Variants in NSD1 observed in about 807,000 individuals in gnomAD.
NSD1 encodes histone-lysine N-methyltransferase, H3 lysine-36 specific.
A neutral mutation model predicts 242.7 loss-of-function variants in NSD1; 26 were observed. The observed-to-expected ratio is 0.11, with a 90% CI of 0.08 to 0.15. The LOEUF is 0.15. Among genes scored for constraint, NSD1 ranks in the 10% least tolerant of loss-of-function variants. NSD1 has a pLI of 1.00. For synonymous variants in NSD1, 1,106 were observed against 1,178.1 expected, an observed-to-expected ratio of 0.94 and a Z score of 1.25; for missense variants, 2,495 against 3,272.8, an observed-to-expected ratio of 0.76 and a Z score of 5.80.
intron 5 of NSD1, chr5:177,220,940 C>T (rs926073859): frequency 9.1e-6 from 4 of 441,490 alleles, no homozygotes; most frequent in Non-Finnish European, 1.4e-5. Context: ...TCTCAGCTCA[C>T]TGCAACCTCC....
intron 2 of NSD1, among the ~76,000 whole-genome samples, chr5:177,182,701 A>G (rs1760793282): frequency 6.6e-6 from 1 of 152,078 alleles, no homozygotes; most frequent in East Asian, 1.9e-4. Flanking sequence ...CAATGGCGCA[A>G]TCTCAGCTCA....
At position 177,235,903 on chromosome 5, in the gene NSD1, T is replaced by C; in HGVS notation, c.3879T>C (p.Ala1293=). 2 of 1,613,954 alleles carry C rather than the reference T, an allele frequency of 1.2e-6. No homozygotes were observed. Among genetic ancestry groups the C allele is most frequent in the Non-Finnish European group, 1.7e-6 (2 of 1,179,908 alleles). ...CAGAAGAATATGATCAGATATTTGC[T>C]CCTAAGAAAAAACAAAAGAAGGTAC... is the stretch of plus-strand genomic sequence containing the variant. ...EYTEEYDQIF[A]PKKKQKKVQE... The change falls in exon 6 of 23, where the codon GCT becomes GCC. Residue 1293 remains alanine (A), a synonymous_variant. Coordinates refer to ENST00000439151, the MANE Select transcript of NSD1 (RefSeq NM_022455.5).
rs142657029 is a variant in NSD1, at chr5:177,210,665, A to G, written c.2266A>G (p.Asn756Asp). Residue 756 changes from asparagine (N) to aspartate (D), a missense_variant, in exon 5 of 23, where the codon AAC (asparagine) becomes GAC (aspartate). By Grantham distance (23) the Asn-to-Asp change is conservative. Around this residue, in one of 19 missense-constraint regions of NSD1, gnomAD observed 515 missense variants for 467.0 expected, o/e 1.10. Coordinates refer to ENST00000439151, the MANE Select transcript of NSD1 (RefSeq NM_022455.5). ...FTNDALSPKF[N>D]LSSSISSENS... Reference sequence around the variant, plus strand: ...AAATGATGCTCTCTCTCCAAAATTCAACCTGTCATCAAGCATATCCAGTGA... The same window carrying G: ...AAATGATGCTCTCTCTCCAAAATTCGACCTGTCATCAAGCATATCCAGTGA... 63 of 1,614,018 alleles carry G rather than the reference A, an allele frequency of 3.9e-5. No individual in the cohort carries two copies. The highest frequency in any genetic ancestry group is 5.1e-5 in the Non-Finnish European group (60 of 1,180,030).
chr5:177,204,005 G>A (rs1320949404), intron 3 of NSD1, 115 bp from the exon 4 acceptor site: 1 of 982,674 alleles, frequency 1.0e-6, no homozygotes, highest in East Asian at 2.4e-5. Flanking sequence ...TAGTTCAGTG[G>A]GCATGTTAGT....
At chr5:177,158,249 C>CTT (rs151289055) in intron 2 of NSD1, among the ~76,000 whole-genome samples, 2 of 76,924 alleles carry the variant, frequency 2.6e-5, no homozygotes, top group African/African-American at 6.6e-5. Flanking sequence ...TTCTTTCTTT[C>CTT]TTTCTTTCTT....
At chr5:177,280,438 G>A in intron 17 of NSD1, 127 bp from the exon 18 acceptor site, 1 of 997,556 alleles carries the variant, frequency 1.0e-6, no homozygotes, top group East Asian at 2.4e-5. Flanking sequence ...ATGAAACTAA[G>A]TGTTGATAGT....
At chr5:177,230,076 T>G (rs1764939964) in intron 5 of NSD1, among the ~76,000 whole-genome samples, 1 of 152,148 alleles carries the variant, frequency 6.6e-6, no homozygotes, top group South Asian at 2.1e-4. Flanking sequence ...CATTCAGTTG[T>G]CACCATGCTG....
intron 11 of NSD1, among the ~76,000 whole-genome samples, chr5:177,249,973 T>C (rs1317719983): frequency 1.3e-5 from 2 of 152,178 alleles, no homozygotes; most frequent in African/African-American, 4.8e-5. Flanking sequence ...GTAATTCCCC[T>C]GCTGGGGAGG....
intron 2 of NSD1, among the ~76,000 whole-genome samples, chr5:177,171,630 C>T (rs1369645722): frequency 2.0e-5 from 3 of 152,138 alleles, no homozygotes; most frequent in Admixed American, 1.3e-4. Flanking sequence ...TTCTCCTTTC[C>T]TCCCTTTGTC....
intron 2 of NSD1, among the ~76,000 whole-genome samples, chr5:177,175,107 G>A (rs1051088346): frequency 3.3e-5 from 5 of 151,910 alleles, no homozygotes; most frequent in Admixed American, 6.6e-5. Context: ...TCCTGACCTC[G>A]TGATCCACTC....
chr5:177,208,161 A>G (rs764459469), intron 4 of NSD1, among the ~76,000 whole-genome samples: 9 of 152,164 alleles, frequency 5.9e-5, no homozygotes, highest in Non-Finnish European at 1.2e-4. Context: ...ACTAATACCT[A>G]TTGTATGGAG....
At chr5:177,167,109 T>C (rs1284688654) in intron 2 of NSD1, among the ~76,000 whole-genome samples, 2 of 152,200 alleles carry the variant, frequency 1.3e-5, no homozygotes, top group African/African-American at 2.4e-5. Context: ...TATTAGGTGA[T>C]CCAGTTTTCT....
chr5:177,201,715 C>T (rs1158796123), intron 3 of NSD1, among the ~76,000 whole-genome samples: 4 of 151,492 alleles, frequency 2.6e-5, no homozygotes, highest in Admixed American at 6.6e-5. Context: ...AGTTGCACCA[C>T]GCCCGGCTAC....
chr5:177,257,398 T>G (rs1052873309), intron 13 of NSD1, among the ~76,000 whole-genome samples: 4 of 151,676 alleles, frequency 2.6e-5, no homozygotes, highest in African/African-American at 9.7e-5. Context: ...GCCTGGCTAA[T>G]TTTTTTGTAT....
intron 2 of NSD1, among the ~76,000 whole-genome samples, chr5:177,180,830 A>T (rs1329659869): frequency 2.7e-5 from 4 of 149,616 alleles, no homozygotes; most frequent in Non-Finnish European, 4.5e-5. Context: ...TTACAGGCGC[A>T]TGCCACCATG....
intron 2 of NSD1, chr5:177,136,450 TCTTA>T (rs998048081): frequency 5.4e-5 from 10 of 185,118 alleles, no homozygotes; most frequent in South Asian, 1.2e-4. Context: ...ATGACTTGAC[TCTTA>T]CTTCAGGTTG....
intron 5 of NSD1, among the ~76,000 whole-genome samples, chr5:177,215,788 C>T (rs552395828): frequency 3.8e-4 from 58 of 152,224 alleles, no homozygotes; most frequent in African/African-American, 1.2e-3. Flanking sequence ...CCACCGCACC[C>T]GGCCTACTTT....
Position 177,242,790 on chromosome 5 carries a change from A to G in NSD1, c.4303-1405A>G, listed in dbSNP as rs77360771. Among the ~76,000 whole-genome samples, 295 of 152,284 alleles carry G rather than the reference A, an allele frequency of 1.9e-3. 4 individuals are homozygous for G. In the East Asian group the frequency reaches 0.027, roughly 14 times the overall value. ...GTGATCCGCCTGCCTCGGCCCCCCA[A>G]AATGCTGGGAATACAGGTGTGAACC... is the stretch of plus-strand genomic sequence containing the variant. On this transcript the variant is annotated intron_variant, in intron 8 of 22. Transcript: ENST00000439151.
In NSD1 at chr5:177,134,081, T is replaced by C. The variant is rs1756078761; in HGVS notation, c.-18+129T>C. The C allele has an allele frequency of 6.7e-6, 1 of 148,596 alleles. No homozygotes were observed. Among genetic ancestry groups the C allele is most frequent in the Non-Finnish European group, 1.5e-5 (1 of 67,120 alleles). The allele number at this position is 148,596 out of a possible 1,614,324, so 9.2% of individuals were successfully genotyped here. A position where few individuals can be genotyped will look rare whatever the true frequency, so the allele number is the denominator to read the frequency against. On this transcript the variant is annotated intron_variant, in intron 1 of 22. Coordinates refer to ENST00000439151, the MANE Select transcript of NSD1 (RefSeq NM_022455.5). The surrounding 1 kb of genome is among the most constrained non-coding windows in gnomAD (Gnocchi z 4.2). ...GGGGAGGGCCAGGCGCGATGCGGGG[T>C]TGGTGGCCGGCGGCGCTGCAGCCGC...
Sources: allele counts gnomAD v4.1 joint callset (sites outside exome capture counted in the v4.1 genomes callset), GRCh38; gene constraint gnomAD v4.1.1; regional missense constraint gnomAD v4.1.1; non-coding constraint Gnocchi (gnomAD v3.1); transcripts MANE v1.5; gene names NCBI Gene and HGNC (gene_info 2026-07-23, HGNC 2026-07-21).